The following SYT17 variants were observed in gnomAD, a reference collection of about 807,000 sequenced individuals.
The protein encoded by SYT17 is synaptotagmin-17.
A neutral mutation model predicts 46.7 loss-of-function variants in SYT17; 22 were observed. The ratio of observed to expected loss-of-function variants is 0.47; its 90% CI spans 0.34 to 0.67. The LOEUF is 0.67. Ranked by LOEUF, SYT17 falls within the 30% of genes least tolerant of loss-of-function variation. The pLI is 0.01. For synonymous variants in SYT17, 251 were observed against 248.4 expected (o/e 1.01, Z -0.10); for missense variants, 519 against 612.8 (o/e 0.85, Z 1.62).
intron 3 of SYT17, among the ~76,000 whole-genome samples, chr16:19,179,107 G>A (rs951923003): frequency 1.2e-4 from 18 of 151,816 alleles, no homozygotes; most frequent in Middle Eastern, 3.4e-3. Context: ...TGTTTACTAC[G>A]CAACCAAGCA....
At chr16:19,244,620 C>T (rs532267269) in intron 7 of SYT17, among the ~76,000 whole-genome samples, 1 of 152,306 alleles carries the variant, frequency 6.6e-6, no homozygotes, top group Admixed American at 6.5e-5. Context: ...CAGGCATGAG[C>T]CACCGAGCCT....
intron 7 of SYT17, among the ~76,000 whole-genome samples, chr16:19,262,036 G>A (rs1567240296): frequency 6.6e-6 from 1 of 152,198 alleles, no homozygotes; most frequent in Non-Finnish European, 1.5e-5. Context: ...TGTTTGGCGA[G>A]TGGATATCTG....
chr16:19,190,798 GTGTGTGTGTGTC>G (rs1218684250), intron 5 of SYT17, among the ~76,000 whole-genome samples: 2 of 140,268 alleles, frequency 1.4e-5, no homozygotes, highest in African/African-American at 5.5e-5. Context: ...GTGTGTGTGT[GTGTGTGTGTGTC>G]ATATTTTGTT....
At chr16:19,212,959 C>T (rs1377665915) in intron 5 of SYT17, among the ~76,000 whole-genome samples, 2 of 152,160 alleles carry the variant, frequency 1.3e-5, no homozygotes, top group Non-Finnish European at 2.9e-5. Context: ...GGTGCTTTGG[C>T]CTCTTCAGAT....
intron 7 of SYT17, among the ~76,000 whole-genome samples, chr16:19,251,558 C>T (rs577236966): frequency 4.6e-5 from 7 of 152,272 alleles, no homozygotes; most frequent in African/African-American, 9.6e-5. Flanking sequence ...ATAGCGCAAG[C>T]GTGAGCAGGC....
At chr16:19,246,624 T>C (rs1252429892) in intron 7 of SYT17, among the ~76,000 whole-genome samples, 4 of 152,204 alleles carry the variant, frequency 2.6e-5, no homozygotes, top group Non-Finnish European at 5.9e-5. Flanking sequence ...TATGTATACG[T>C]ATGTGTGTGC....
At chr16:19,172,400 A>G in intron 1 of SYT17, 12 of 1,422,538 alleles carry the variant, frequency 8.4e-6, no homozygotes, top group Non-Finnish European at 1.1e-5. Flanking sequence ...CTATTTCTGT[A>G]TAGGAAGGTT....
intron 7 of SYT17, among the ~76,000 whole-genome samples, chr16:19,229,849 A>T (rs1419916325): frequency 6.6e-6 from 1 of 152,240 alleles, no homozygotes. Context: ...AAAGTGGTGC[A>T]TACATACAAT....
At chr16:19,219,408 C>CAAA (rs1245756343) in intron 5 of SYT17, among the ~76,000 whole-genome samples, 2 of 1,344 alleles carry the variant, frequency 1.5e-3, no homozygotes, top group African/African-American at 7.9e-3. Flanking sequence ...GACTCCGTCT[C>CAAA]AAAAAAAAAA....
At chr16:19,186,074 C>A (rs771545398) in intron 5 of SYT17, among the ~76,000 whole-genome samples, 5 of 152,132 alleles carry the variant, frequency 3.3e-5, no homozygotes, top group Non-Finnish European at 5.9e-5. Flanking sequence ...CAGGTCACTG[C>A]GGGAGCAGGT....
intron 7 of SYT17, among the ~76,000 whole-genome samples, chr16:19,245,334 A>C (rs1967462924): frequency 6.6e-6 from 1 of 152,110 alleles, no homozygotes; most frequent in Non-Finnish European, 1.5e-5. Context: ...TACAGTGAAC[A>C]CATAACCCCT....
chr16:19,229,187 G>T lies in SYT17; in HGVS notation c.1228+4349G>T, dbSNP rs147660889. 1.4e-3 allele frequency among the ~76,000 whole-genome samples: 211 copies of T among 152,292 alleles called. 1 individual carries two copies. Among genetic ancestry groups the T allele is most frequent in the African/African-American group, 4.8e-3 (201 of 41,560 alleles). On this transcript the variant is annotated intron_variant, in intron 7 of 7. Coordinates refer to ENST00000355377, the MANE Select transcript of SYT17 (RefSeq NM_016524.4). The stretch of plus-strand genomic sequence containing the variant: ...GGCTTTTACTGGATGTTGGGAAAAA[G>T]AAGGAAAGAAAGCGTATTAGTCCGT...
Position 19,183,809 on chromosome 16 carries a change from G to T in SYT17, c.613G>T (p.Val205Leu), listed in dbSNP as rs768242979. Residue 205 changes from valine (V) to leucine (L), a missense_variant, in exon 5 of 8, where the codon GTG (valine) becomes TTG (leucine). Coordinates refer to ENST00000355377, the MANE Select transcript of SYT17 (RefSeq NM_016524.4). This position sits in a 1 kb window ranked among gnomAD's most constrained non-coding sequence, Gnocchi z 5.6. Reference protein sequence around the residue: ...DLLHNHLTVRVIEARDLPPPI... With the variant: ...DLLHNHLTVRLIEARDLPPPI... The stretch of plus-strand genomic sequence containing the variant: ...GCTGCACAACCACCTCACCGTGCGC[G>T]TGATCGAGGCCAGGGACCTGCCACC... 2 of 1,614,040 alleles carry T rather than the reference G, an allele frequency of 1.2e-6. No individual in the cohort carries two copies. The highest frequency in any genetic ancestry group is 1.7e-6 in the Non-Finnish European group (2 of 1,180,036).
chr16:19,178,726 A>T (rs1308559598), intron 3 of SYT17, among the ~76,000 whole-genome samples: 1 of 152,200 alleles, frequency 6.6e-6, no homozygotes, highest in Non-Finnish European at 1.5e-5. Context: ...GTTGGGGGGT[A>T]TGCAGCCTCG....
Position 19,180,466 on chromosome 16 carries a change from C to T in SYT17, c.258C>T (p.Thr86=). The change falls in exon 4 of 8, where the codon ACC becomes ACT. Residue 86 remains threonine (T), a synonymous_variant. Transcript: ENST00000355377. The part of the protein sequence containing the change: ...TASEVPLTPR[T]NSPDGRRSSS... ...GCGAAGTCCCGCTGACCCCACGGAC[C>T]AATTCCCCGGATGGAAGACGCTCGT... 6.2e-7 allele frequency: 1 copy of T among 1,614,206 alleles called. No individual in the cohort carries two copies. Among genetic ancestry groups the T allele is most frequent in the South Asian group, 1.1e-5 (1 of 91,076 alleles).
intron 7 of SYT17, among the ~76,000 whole-genome samples, chr16:19,260,412 A>C (rs1256613405): frequency 2.2e-5 from 3 of 134,106 alleles, no homozygotes; most frequent in African/African-American, 8.2e-5. Context: ...TGGGAAGCTG[A>C]GGTAGGAGGA....
chr16:19,181,037 C>A (rs1964534344), intron 4 of SYT17, among the ~76,000 whole-genome samples: 1 of 152,142 alleles, frequency 6.6e-6, no homozygotes, highest in African/African-American at 2.4e-5. Flanking sequence ...AAAGCAAATG[C>A]CCCATTGAAA....
intron 5 of SYT17, among the ~76,000 whole-genome samples, chr16:19,189,629 C>T (rs1443220619): frequency 6.6e-6 from 1 of 152,200 alleles, no homozygotes; most frequent in African/African-American, 2.4e-5. Context: ...GGATTAAAGA[C>T]GTGAGCCAGA....
chr16:19,222,600 C>T (rs1966361423), intron 5 of SYT17, among the ~76,000 whole-genome samples: 1 of 152,196 alleles, frequency 6.6e-6, no homozygotes, highest in Non-Finnish European at 1.5e-5. Flanking sequence ...GTCAGAGTAT[C>T]TGGAACCAAA....
Sources: allele counts gnomAD v4.1 joint callset (sites outside exome capture counted in the v4.1 genomes callset), GRCh38; gene constraint gnomAD v4.1.1; non-coding constraint Gnocchi (gnomAD v3.1); transcripts MANE v1.5; gene names NCBI Gene and HGNC (gene_info 2026-07-23, HGNC 2026-07-21).